Variants in OPCML observed in about 807,000 individuals in gnomAD.
OPCML encodes the protein opioid-binding protein/cell adhesion molecule.
Under a neutral mutation model 37.8 loss-of-function variants are expected in OPCML, and 13 were observed. The observed-to-expected ratio is 0.34, with a 90% CI of 0.22 to 0.55. The LOEUF is 0.55. OPCML is among the 20% of genes least tolerant of loss of function. The pLI, the probability that OPCML is intolerant of heterozygous loss-of-function variation, is 0.91. For missense variants in OPCML, 341 were observed against 435.6 expected (o/e 0.78, Z 1.93); for synonymous variants, 176 against 168.8 (o/e 1.04, Z -0.33).
At chr11:133,528,828 T>C (rs1050101101) in intron 1 of OPCML, among the ~76,000 whole-genome samples, 4 of 152,158 alleles carry the variant, frequency 2.6e-5, no homozygotes, top group Non-Finnish European at 4.4e-5. Context: ...CTAACTCCCC[T>C]GCTTAGAGTC....
intron 2 of OPCML, among the ~76,000 whole-genome samples, chr11:132,806,375 T>G (rs77887463): frequency 0.01 from 1,581 of 152,150 alleles, 27 homozygotes; most frequent in African/African-American, 0.036. Context: ...AAGACACACT[T>G]TAAATATAAA....
chr11:132,679,911 T>G (rs1397327687), intron 2 of OPCML, among the ~76,000 whole-genome samples: 1 of 152,206 alleles, frequency 6.6e-6, no homozygotes, highest in Admixed American at 6.5e-5. Context: ...GAACTGTTTG[T>G]TGGAGACAGG....
chr11:133,178,849 T>C (rs768845633), intron 1 of OPCML, among the ~76,000 whole-genome samples: 7 of 152,212 alleles, frequency 4.6e-5, no homozygotes, highest in Non-Finnish European at 1.0e-4. Context: ...ATTTTAAGCA[T>C]GCAGGGCTTA....
chr11:133,363,732 C>T (rs1450204123), intron 1 of OPCML, among the ~76,000 whole-genome samples: 1 of 152,126 alleles, frequency 6.6e-6, no homozygotes, highest in Non-Finnish European at 1.5e-5. Context: ...TCCCACTGTG[C>T]GTGACCACGA....
intron 1 of OPCML, among the ~76,000 whole-genome samples, chr11:133,010,060 C>T (rs1947187521): frequency 6.6e-6 from 1 of 152,220 alleles, no homozygotes; most frequent in Non-Finnish European, 1.5e-5. Context: ...TTTCCCACAG[C>T]TGAGCTCTTC....
intron 1 of OPCML, among the ~76,000 whole-genome samples, chr11:133,339,633 C>T (rs148780530): frequency 2.6e-4 from 40 of 152,266 alleles, no homozygotes; most frequent in African/African-American, 9.1e-4. Flanking sequence ...CCTCAAAAGC[C>T]GGCTGAAGTC....
intron 1 of OPCML, among the ~76,000 whole-genome samples, chr11:133,306,950 C>A (rs1268641958): frequency 6.6e-6 from 1 of 152,152 alleles, no homozygotes; most frequent in African/African-American, 2.4e-5. Context: ...AGGGCAGTAT[C>A]TGTGTGGTTA....
At chr11:132,479,096 G>A (rs2096168233) in intron 4 of OPCML, among the ~76,000 whole-genome samples, 1 of 152,158 alleles carries the variant, frequency 6.6e-6, no homozygotes, top group African/African-American at 2.4e-5. Context: ...CAGAAGACGG[G>A]TGATTTCTGC....
chr11:132,571,929 A>G (rs2096439537), intron 3 of OPCML, among the ~76,000 whole-genome samples: 1 of 152,064 alleles, frequency 6.6e-6, no homozygotes, highest in Admixed American at 6.6e-5. Flanking sequence ...CCTCACAAAT[A>G]TTTATTTTAA....
Position 133,532,325 on chromosome 11 carries a change from C to T in OPCML, c.-1G>A, listed in dbSNP as rs1237584275. On this transcript the variant is annotated 5_prime_UTR_variant, in exon 1 of 8. Coordinates refer to ENST00000524381, the MANE Select transcript of OPCML (RefSeq NM_001012393.5). ...CGACCCAGTAGGCAGGATGGTACATCTCGACGCTGCGGTGCTCTCAGCTGC... is the reference window on the plus strand; with the variant it reads ...CGACCCAGTAGGCAGGATGGTACATTTCGACGCTGCGGTGCTCTCAGCTGC... 6.2e-7 allele frequency: 1 copy of T among 1,613,304 alleles called. No homozygotes were observed. Among genetic ancestry groups the T allele is most frequent in the Admixed American group, 1.7e-5 (1 of 59,976 alleles).
chr11:133,229,540 G>C (rs1437714382), intron 1 of OPCML, among the ~76,000 whole-genome samples: 2 of 151,744 alleles, frequency 1.3e-5, no homozygotes, highest in Non-Finnish European at 2.9e-5. Flanking sequence ...AAAGAAAAGG[G>C]CTCCCAATGC....
chr11:132,956,018 T>C (rs1268868415), intron 1 of OPCML, among the ~76,000 whole-genome samples: 1 of 152,228 alleles, frequency 6.6e-6, no homozygotes, highest in Non-Finnish European at 1.5e-5. Flanking sequence ...ATAAAAATAA[T>C]TATGTATCTC....
chr11:133,422,345 A>C (rs1415044340), intron 1 of OPCML: 4 of 975,616 alleles, frequency 4.1e-6, no homozygotes, highest in Non-Finnish European at 4.8e-6. Context: ...TCAAAGCCAT[A>C]CTAGGCCATT....
intron 1 of OPCML, among the ~76,000 whole-genome samples, chr11:133,471,071 G>C (rs1043320149): frequency 6.6e-6 from 1 of 152,174 alleles, no homozygotes; most frequent in Non-Finnish European, 1.5e-5. Flanking sequence ...TGTCCTTGAA[G>C]ACATCAGTCT....
rs550768455 is a variant in OPCML, at chr11:133,143,864, G to A, written c.62-200854C>T. 2.6e-5 allele frequency among the ~76,000 whole-genome samples: 4 copies of A among 152,296 alleles called. No homozygotes were observed. In the South Asian group the frequency reaches 6.2e-4, roughly 24 times the overall value. ...AATTGCTGTGATACTAGCTGCAATCGGCTTATAAACCACATTGCTCTTTCT... is the reference window on the plus strand; with the variant it reads ...AATTGCTGTGATACTAGCTGCAATCAGCTTATAAACCACATTGCTCTTTCT... On this transcript the variant is annotated intron_variant, in intron 1 of 7. Transcript: ENST00000524381.
rs1299421512 is a variant in OPCML at position 132,481,859 on chromosome 11, C to A, written c.506-44500G>T. 1.3e-4 allele frequency among the ~76,000 whole-genome samples: 19 copies of A among 150,294 alleles called. No individual in the cohort carries two copies. In the South Asian group the frequency reaches 3.3e-3, roughly 26 times the overall value. On this transcript the variant is annotated intron_variant, in intron 4 of 7. Coordinates refer to ENST00000524381, the MANE Select transcript of OPCML (RefSeq NM_001012393.5). The stretch of plus-strand genomic sequence containing the variant: ...AAATGAAGGCAGAAATAAAGATGTT[C>A]TTTGAAACCAACAAGAACAAAGACA...
In OPCML at chr11:132,415,119, CAG is replaced by C. The variant is rs2095934141; in HGVS notation, c.*5072_*5073del. Reference sequence around the variant, plus strand: ...TATTCACCCTTGATACAATTATTGACAGAAATCAAGTCTTCATTGATTTTTTG... The same window carrying C: ...TATTCACCCTTGATACAATTATTGACAAATCAAGTCTTCATTGATTTTTTG... On this transcript the variant is annotated 3_prime_UTR_variant, in exon 8 of 8. Transcript: ENST00000524381. The C allele has an allele frequency of 6.6e-6, 1 of 152,070 alleles. No homozygotes were observed. Among genetic ancestry groups the C allele is most frequent in the South Asian group, 2.1e-4 (1 of 4,800 alleles). The allele number at this position is 152,070 out of a possible 1,614,324, so 9.4% of individuals were successfully genotyped here.
chr11:132,540,465 A>T (rs2137364015), intron 3 of OPCML, among the ~76,000 whole-genome samples: 1 of 152,318 alleles, frequency 6.6e-6, no homozygotes, highest in East Asian at 1.9e-4. Context: ...AATTGGAACT[A>T]GGTGAGTTGT....
chr11:132,682,462 C>T (rs539281461), intron 2 of OPCML, among the ~76,000 whole-genome samples: 1 of 152,128 alleles, frequency 6.6e-6, no homozygotes, highest in Non-Finnish European at 1.5e-5. Flanking sequence ...TAAAAGGGGG[C>T]CAGCCTCTTT....
Sources: allele counts gnomAD v4.1 joint callset (sites outside exome capture counted in the v4.1 genomes callset), GRCh38; gene constraint gnomAD v4.1.1; transcripts MANE v1.5; gene names NCBI Gene and HGNC (gene_info 2026-07-23, HGNC 2026-07-21).